The following CBFA2T3 variants were observed in gnomAD, a reference collection of about 807,000 sequenced individuals.
CBFA2T3 encodes CBFA2/RUNX1 partner transcriptional co-repressor 3.
In CBFA2T3, 31 loss-of-function variants were observed where a neutral mutation model predicts 58.6. The ratio of observed to expected loss-of-function variants is 0.53; its 90% CI spans 0.40 to 0.71. CBFA2T3 has a LOEUF of 0.71. Among genes scored for constraint, CBFA2T3 ranks in the 30% least tolerant of loss-of-function variants. The pLI, the probability that CBFA2T3 is intolerant of heterozygous loss-of-function variation, is 0.00. For missense variants in CBFA2T3, 1,076 were observed against 963.1 expected (o/e 1.12, Z -1.55); for synonymous variants, 531 against 421.9 (o/e 1.26, Z -3.17).
At position 88,875,090 on chromosome 16, in the gene CBFA2T3, C is replaced by T. The variant is rs1200060752; in HGVS notation, c.*1886G>A. ...CAGGCCACGGGCCACGCCACGCGCA[C>T]AGATGCCAGGCCACGGGCCACGCCA... On this transcript the variant is annotated 3_prime_UTR_variant, in exon 12 of 12. Transcript: ENST00000268679. 8.5e-6 allele frequency: 2 copies of T among 235,986 alleles called. No individual in the cohort carries two copies. Among genetic ancestry groups the T allele is most frequent in the Non-Finnish European group, 1.7e-5 (2 of 119,622 alleles). The allele number at this position is 235,986 out of a possible 1,614,324, so 14.6% of individuals were successfully genotyped here. A position where few individuals can be genotyped will look rare whatever the true frequency, so the allele number is the denominator to read the frequency against.
intron 1 of CBFA2T3, among the ~76,000 whole-genome samples, chr16:88,907,004 C>G (rs1377170804): frequency 6.6e-6 from 1 of 151,330 alleles, no homozygotes. Context: ...TGGGGTAGCA[C>G]CTGGGGTGGC....
chr16:88,938,313 C>G (rs537001830), intron 1 of CBFA2T3: 3 of 152,004 alleles, frequency 2.0e-5, no homozygotes, highest in Non-Finnish European at 2.9e-5. Context: ...GGATGGGGAC[C>G]GACAGCACAG....
intron 1 of CBFA2T3, among the ~76,000 whole-genome samples, chr16:88,956,110 G>A (rs138498054): frequency 6.6e-6 from 1 of 152,238 alleles, no homozygotes; most frequent in Non-Finnish European, 1.5e-5. Context: ...CTTTGGGAAA[G>A]ACTCAAAGGC....
chr16:88,895,442 A>G (rs1051159085), intron 3 of CBFA2T3, among the ~76,000 whole-genome samples: 5 of 152,162 alleles, frequency 3.3e-5, no homozygotes, highest in Admixed American at 1.3e-4. Flanking sequence ...CGCGGTTATC[A>G]CACACATCCC....
chr16:88,877,923 T>G (rs1968902019), intron 11 of CBFA2T3, among the ~76,000 whole-genome samples: 1 of 152,180 alleles, frequency 6.6e-6, no homozygotes. Flanking sequence ...AGCCCAAACC[T>G]GCCCTAGGGG....
At chr16:88,973,975 A>G (rs1972722910) in intron 1 of CBFA2T3, among the ~76,000 whole-genome samples, 1 of 151,764 alleles carries the variant, frequency 6.6e-6, no homozygotes, top group East Asian at 1.9e-4. Flanking sequence ...GATAGTGCTC[A>G]CCACCTCCCC....
chr16:88,944,965 C>A (rs533098180), intron 1 of CBFA2T3, among the ~76,000 whole-genome samples: 1 of 152,346 alleles, frequency 6.6e-6, no homozygotes, highest in African/African-American at 2.4e-5. Context: ...GCCAGGCCAG[C>A]GTGGTCCAGC....
intron 5 of CBFA2T3, among the ~76,000 whole-genome samples, chr16:88,889,851 T>C (rs1969553731): frequency 7.5e-6 from 1 of 133,966 alleles, no homozygotes; most frequent in South Asian, 2.5e-4. Context: ...TTCCTCCTCC[T>C]CCAGGGACAC....
intron 1 of CBFA2T3, among the ~76,000 whole-genome samples, chr16:88,949,258 G>A (rs1357835201): frequency 2.0e-5 from 3 of 152,180 alleles, no homozygotes; most frequent in Non-Finnish European, 4.4e-5. Context: ...AGGGGACCCC[G>A]ATAAGAGATG....
intron 1 of CBFA2T3, among the ~76,000 whole-genome samples, chr16:88,957,134 T>C (rs1972238827): frequency 6.6e-6 from 1 of 152,222 alleles, no homozygotes. Flanking sequence ...CACGGGCAGC[T>C]GCCCAGCAGA....
chr16:88,909,500 C>CGCA (rs1567600655), intron 1 of CBFA2T3, among the ~76,000 whole-genome samples: 76 of 152,096 alleles, frequency 5.0e-4, no homozygotes, highest in African/African-American at 1.7e-3. Context: ...GCAGCTGGGA[C>CGCA]GGAGGACGCC....
At chr16:88,975,531 G>T (rs1417863941) in intron 1 of CBFA2T3, among the ~76,000 whole-genome samples, 1 of 152,278 alleles carries the variant, frequency 6.6e-6, no homozygotes, top group African/African-American at 2.4e-5. Context: ...AGCGCCAGGG[G>T]ATAGACAGGG....
intron 1 of CBFA2T3, among the ~76,000 whole-genome samples, chr16:88,924,582 C>G (rs190329394): frequency 6.6e-6 from 1 of 152,110 alleles, no homozygotes; most frequent in Non-Finnish European, 1.5e-5. Flanking sequence ...CGTGGGGCCT[C>G]GAAGCAGCTG....
At chr16:88,952,411 G>A (rs74033215) in intron 1 of CBFA2T3, among the ~76,000 whole-genome samples, 5,691 of 151,902 alleles carry the variant, frequency 0.037, 340 homozygotes, top group African/African-American at 0.13. Context: ...CTTCTCCCGC[G>A]GGGCACCAAA....
intron 5 of CBFA2T3, chr16:88,886,421 G>A (rs1321900329): frequency 8.7e-6 from 3 of 346,706 alleles, no homozygotes; most frequent in East Asian, 4.5e-5. Flanking sequence ...GGACTCCCAG[G>A]GTGGGGCTTT....
intron 1 of CBFA2T3, among the ~76,000 whole-genome samples, chr16:88,913,044 C>T (rs533974554): frequency 1.7e-3 from 252 of 152,348 alleles, no homozygotes; most frequent in Middle Eastern, 6.8e-3. Context: ...CCTGCCCTTT[C>T]GATGGGATTG....
intron 1 of CBFA2T3, among the ~76,000 whole-genome samples, chr16:88,916,027 T>C (rs144581242): frequency 1.8e-4 from 28 of 152,142 alleles, no homozygotes; most frequent in Non-Finnish European, 3.1e-4. Context: ...TCCGTGTGTA[T>C]ATGTGTGCAC....
At chr16:88,909,476 G>A (rs1304899086) in intron 1 of CBFA2T3, among the ~76,000 whole-genome samples, 1 of 151,980 alleles carries the variant, frequency 6.6e-6, no homozygotes, top group Non-Finnish European at 1.5e-5. Context: ...ACTACATCCC[G>A]GGTGACCCCG....
At chr16:88,895,428 G>T (rs1346489124) in intron 3 of CBFA2T3, among the ~76,000 whole-genome samples, 2 of 152,222 alleles carry the variant, frequency 1.3e-5, no homozygotes, top group African/African-American at 4.8e-5. Flanking sequence ...CTGCACACAG[G>T]CTGCGCGGTT....
Sources: gnomAD v4.1 joint callset for allele counts (sites outside exome capture counted in the v4.1 genomes callset) on GRCh38, gnomAD v4.1.1 for gene constraint, MANE v1.5 for transcripts, NCBI Gene and HGNC (gene_info 2026-07-23, HGNC 2026-07-21) for gene names.